The following WWOX variants were observed in gnomAD, a reference collection of about 807,000 sequenced individuals.
WWOX encodes the protein WW domain-containing oxidoreductase.
Under a neutral mutation model 46.2 loss-of-function variants are expected in WWOX, and 69 were observed. The ratio of observed to expected loss-of-function variants is 1.49; its 90% CI spans 1.23 to 1.82. The LOEUF (loss-of-function observed/expected upper bound fraction) is 1.82. Among genes scored for constraint, WWOX ranks in the 40% most tolerant of loss-of-function variants. The pLI, the probability that WWOX is intolerant of heterozygous loss-of-function variation, is 0.00. For missense variants in WWOX, 919 were observed against 542.6 expected (o/e 1.69, Z -6.89); for synonymous variants, 359 against 202.6 (o/e 1.77, Z -6.56).
chr16:78,161,492 G>A (rs964859924), intron 4 of WWOX, among the ~76,000 whole-genome samples: 3 of 150,606 alleles, frequency 2.0e-5, no homozygotes, highest in African/African-American at 7.3e-5. Context: ...TGTCACTCTG[G>A]CTGGAGTGCA....
Position 79,020,337 on chromosome 16 carries a change from G to A in WWOX, c.1057-191271G>A, listed in dbSNP as rs1400874844. Among the ~76,000 whole-genome samples the A allele has an allele frequency of 2.6e-5, 4 of 152,138 alleles. No individual in the cohort carries two copies. The South Asian group carries it at 8.3e-4, about 32-fold the overall frequency. ...AAGGGGTTTTGTGATCAAAACTATG[G>A]AGTCTTAAGTCCAACCAGTGGTTAT... On this transcript the variant is annotated intron_variant, in intron 8 of 8. Transcript: ENST00000566780.
intron 6 of WWOX, among the ~76,000 whole-genome samples, chr16:78,397,289 T>G (rs1028797904): frequency 2.0e-5 from 3 of 151,904 alleles, no homozygotes; most frequent in African/African-American, 7.2e-5. Context: ...CATATAATGA[T>G]GATAATAATT....
chr16:78,728,716 G>C (rs1052633609), intron 8 of WWOX, among the ~76,000 whole-genome samples: 1 of 152,280 alleles, frequency 6.6e-6, no homozygotes, highest in Admixed American at 6.5e-5. Flanking sequence ...GCCTTTTCCA[G>C]TTTTCACATC....
intron 8 of WWOX, among the ~76,000 whole-genome samples, chr16:79,171,486 T>G (rs1368955997): frequency 6.6e-6 from 1 of 152,200 alleles, no homozygotes; most frequent in Admixed American, 6.5e-5. Flanking sequence ...CACATCAGTT[T>G]GCTACCCAGA....
rs146832495 is a variant in WWOX at position 78,595,376 on chromosome 16, C to T, written c.1056+162624C>T. 6.5e-5 allele frequency among the ~76,000 whole-genome samples: 9 copies of T among 137,884 alleles called. No homozygotes were observed. In the East Asian group the frequency reaches 2.0e-3, roughly 31 times the overall value. 90.5% of individuals were successfully genotyped at this position (137,884 alleles called of 152,430 possible). A position where few individuals can be genotyped will look rare whatever the true frequency, so the allele number is the denominator to read the frequency against. On this transcript the variant is annotated intron_variant, in intron 8 of 8. Coordinates refer to ENST00000566780, the MANE Select transcript of WWOX (RefSeq NM_016373.4). ...TGAGTCTTCTCCTTGCTTCAACCCT[C>T]CCCGCTGACAGCCACAAGACTCCTG... is the stretch of plus-strand genomic sequence containing the variant.
At chr16:78,942,695 C>G (rs186231405) in intron 8 of WWOX, among the ~76,000 whole-genome samples, 2 of 152,276 alleles carry the variant, frequency 1.3e-5, no homozygotes, top group Admixed American at 6.5e-5. Context: ...GGACCTTGAA[C>G]TTAACTAACT....
intron 8 of WWOX, among the ~76,000 whole-genome samples, chr16:79,109,412 A>ATAGGT (rs1331355356): frequency 6.6e-6 from 1 of 152,174 alleles, no homozygotes; most frequent in African/African-American, 2.4e-5. Context: ...AGTAGCGGTG[A>ATAGGT]TAGGTTTTAT....
At chr16:79,140,003 C>T (rs1360498689) in intron 8 of WWOX, among the ~76,000 whole-genome samples, 1 of 152,140 alleles carries the variant, frequency 6.6e-6, no homozygotes, top group Non-Finnish European at 1.5e-5. Flanking sequence ...ACCACAGTTC[C>T]AGCTGAGCTT....
At chr16:78,330,363 T>C (rs2080725745) in intron 5 of WWOX, among the ~76,000 whole-genome samples, 1 of 152,158 alleles carries the variant, frequency 6.6e-6, no homozygotes, top group Non-Finnish European at 1.5e-5. Flanking sequence ...ATGTCCTAAA[T>C]TAATGTGTTT....
intron 4 of WWOX, among the ~76,000 whole-genome samples, chr16:78,159,851 T>G (rs541900438): frequency 4.6e-5 from 7 of 152,034 alleles, no homozygotes; most frequent in Non-Finnish European, 1.0e-4. Context: ...GTAACCTCAC[T>G]TGTCTAGTTT....
intron 8 of WWOX, among the ~76,000 whole-genome samples, chr16:79,177,999 G>A (rs993511485): frequency 1.3e-5 from 2 of 152,110 alleles, no homozygotes; most frequent in Non-Finnish European, 2.9e-5. Flanking sequence ...ATGACTTCTT[G>A]CTGTGTCAAC....
Position 79,106,582 on chromosome 16 carries a change from A to ATTTTTTTTTTTTT in WWOX, c.1057-105005_1057-104993dup, listed in dbSNP as rs752318131. 192 of 79,496 alleles carry ATTTTTTTTTTTTT rather than the reference A, an allele frequency of 2.4e-3. 21 individuals carry two copies. Among genetic ancestry groups the ATTTTTTTTTTTTT allele is most frequent in the African/African-American group, 9.7e-3 (182 of 18,816 alleles). The allele number at this position is 79,496 out of a possible 1,614,324, so 4.9% of individuals were successfully genotyped here. A position where few individuals can be genotyped will look rare whatever the true frequency, so the allele number is the denominator to read the frequency against. ...CCTAAAATGACTCTTTCTTAAAATA[A>ATTTTTTTTTTTTT]TTTTTTTTTTTTTTTTTTTTTTTTT... is the stretch of plus-strand genomic sequence containing the variant. On this transcript the variant is annotated intron_variant, in intron 8 of 8. Coordinates refer to ENST00000566780, the MANE Select transcript of WWOX (RefSeq NM_016373.4).
chr16:78,362,500 T>G (rs2151914504), intron 5 of WWOX, among the ~76,000 whole-genome samples: 1 of 152,072 alleles, frequency 6.6e-6, no homozygotes, highest in East Asian at 1.9e-4. Flanking sequence ...TTCCAGGTAC[T>G]CGGGAGGCTG....
chr16:78,548,182 C>CATAG (rs2044090511), intron 8 of WWOX, among the ~76,000 whole-genome samples: 1 of 85,998 alleles, frequency 1.2e-5, no homozygotes, highest in Non-Finnish European at 2.6e-5. Flanking sequence ...AAAAAAATTA[C>CATAG]GAATTTTGCG....
At chr16:78,654,643 C>G (rs57075060) in intron 8 of WWOX, among the ~76,000 whole-genome samples, 33 of 152,000 alleles carry the variant, frequency 2.2e-4, no homozygotes, top group African/African-American at 5.8e-4. Flanking sequence ...ACCTTTCTCT[C>G]TCTCTCTCTC....
At chr16:79,006,871 G>A (rs7185743) in intron 8 of WWOX, among the ~76,000 whole-genome samples, 151,436 of 152,294 alleles carry the variant, frequency 0.99, 75,294 homozygotes, top group East Asian at 1. Context: ...TCCCTCTTCC[G>A]CTTTAAGGAC....
In WWOX at chr16:79,211,869, C is replaced by G. The variant is rs868471612; in HGVS notation, c.*73C>G. The stretch of plus-strand genomic sequence containing the variant: ...CCTCACGCAAGTGCCAGGGCTGGGC[C>G]CCTTCCAAATGTCCCTCCAACACAG... On this transcript the variant is annotated 3_prime_UTR_variant, in exon 9 of 9. Coordinates refer to ENST00000566780, the MANE Select transcript of WWOX (RefSeq NM_016373.4). The G allele has an allele frequency of 6.3e-7, 1 of 1,595,642 alleles. No homozygotes were observed. Among genetic ancestry groups the G allele is most frequent in the South Asian group, 1.1e-5 (1 of 89,338 alleles).
chr16:78,799,882 T>C (rs1310660263), intron 8 of WWOX, among the ~76,000 whole-genome samples: 41 of 152,192 alleles, frequency 2.7e-4, no homozygotes, highest in Admixed American at 2.7e-3. Flanking sequence ...TATGTAGCTT[T>C]AGAAAAATTT....
chr16:78,804,276 G>A (rs1311427767), intron 8 of WWOX, among the ~76,000 whole-genome samples: 2 of 152,070 alleles, frequency 1.3e-5, no homozygotes, highest in African/African-American at 2.4e-5. Flanking sequence ...TGCCTGAGCC[G>A]GCTGGTCTTT....
Sources: allele counts gnomAD v4.1 joint callset (sites outside exome capture counted in the v4.1 genomes callset), GRCh38; gene constraint gnomAD v4.1.1; transcripts MANE v1.5; gene names NCBI Gene and HGNC (gene_info 2026-07-23, HGNC 2026-07-21).